Variants in NDOR1 observed in about 807,000 individuals in gnomAD.
NDOR1 encodes the protein NADPH-dependent diflavin oxidoreductase 1.
In NDOR1, 61 loss-of-function variants were observed where a neutral mutation model predicts 67.2. The ratio of observed to expected loss-of-function variants is 0.91; its 90% CI spans 0.74 to 1.12. NDOR1 has a LOEUF of 1.12. Ranked by LOEUF, NDOR1 falls within the 50% of genes most tolerant of loss-of-function variation. The pLI, the probability that NDOR1 is intolerant of heterozygous loss-of-function variation, is 0.00. For synonymous variants in NDOR1, 378 were observed against 343.7 expected, an observed-to-expected ratio of 1.10 and a Z score of -1.10; for missense variants, 878 against 802.8, an observed-to-expected ratio of 1.09 and a Z score of -1.13.
chr9:137,210,552 T>G (rs1164892498), intron 2 of NDOR1, among the ~76,000 whole-genome samples: 2 of 152,106 alleles, frequency 1.3e-5, no homozygotes, highest in African/African-American at 2.4e-5. Flanking sequence ...TTTAAAAGAT[T>G]AGAAGACGCT....
At chr9:137,210,721 C>A (rs996658548) in intron 2 of NDOR1, among the ~76,000 whole-genome samples, 2 of 152,026 alleles carry the variant, frequency 1.3e-5, no homozygotes, top group African/African-American at 4.8e-5. Context: ...GTGACACACA[C>A]CTGTAATCCC....
rs1368344936 is a variant in NDOR1 at position 137,215,956 on chromosome 9, A to C, written c.1493A>C (p.Glu498Ala). ...GACCAAGACTTCTACTGGGAGGCTG[A>C]GTGGCAGGAGCTGGAGAAGCGGGAC... ...WRDQDFYWEA[E>A]WQELEKRDCL... is the part of the protein sequence containing the mutation. The change falls in exon 12 of 14, where the codon GAG (glutamate) becomes GCG (alanine). Residue 498 changes from glutamate to alanine, a missense_variant. Glu to Ala is a moderately radical substitution (Grantham distance 107). Transcript: ENST00000684003. 4 of 1,613,478 alleles carry C rather than the reference A, an allele frequency of 2.5e-6. No individual in the cohort carries two copies. In the South Asian group the frequency reaches 3.3e-5, roughly 13 times the overall value.
intron 2 of NDOR1, among the ~76,000 whole-genome samples, chr9:137,209,046 A>AT (rs1835118927): frequency 6.6e-6 from 1 of 151,890 alleles, no homozygotes; most frequent in African/African-American, 2.4e-5. Flanking sequence ...CGCCCAGCTA[A>AT]TTTTTTGTAT....
chr9:137,209,948 C>T lies in NDOR1; in HGVS notation c.214-2554C>T, dbSNP rs142304167. Among the ~76,000 whole-genome samples the T allele has an allele frequency of 3.4e-3, 523 of 152,328 alleles. 4 individuals carry two copies. The highest frequency in any genetic ancestry group is 6.4e-3 in the Non-Finnish European group (436 of 68,024). ...CTCTACTAAAAATACAAAAAATTAG[C>T]TGGGTGTATTGGTGCATGCCTGTAA... is the stretch of plus-strand genomic sequence containing the variant. On this transcript the variant is annotated intron_variant, in intron 2 of 13. Transcript: ENST00000684003.
In NDOR1 at chr9:137,212,646, C is replaced by T. The variant is rs944987044; in HGVS notation, c.311+47C>T. 12 of 1,542,500 alleles carry T rather than the reference C, an allele frequency of 7.8e-6. No homozygotes were observed. Among genetic ancestry groups the T allele is most frequent in the African/African-American group, 4.1e-5 (3 of 73,368 alleles). ...GGGCGGACGGAACAGTTCTGGGGGTCGAGCAACAGGTGTGCTGGCAGAGGA... is the reference window on the plus strand; with the variant it reads ...GGGCGGACGGAACAGTTCTGGGGGTTGAGCAACAGGTGTGCTGGCAGAGGA... On this transcript the variant is annotated intron_variant, in intron 3 of 13. Coordinates refer to ENST00000684003, the MANE Select transcript of NDOR1 (RefSeq NM_014434.4). The surrounding 1 kb of genome is among the most constrained non-coding windows in gnomAD (Gnocchi z 4.3).
rs1208185881 is a variant in NDOR1, at chr9:137,214,569, G to A, written c.723-1G>A. 1 of 1,611,448 alleles carries A rather than the reference G, an allele frequency of 6.2e-7. No individual in the cohort carries two copies. Among genetic ancestry groups the A allele is most frequent in the Non-Finnish European group, 8.5e-7 (1 of 1,179,922 alleles). On this transcript the variant is annotated splice_acceptor_variant, in intron 6 of 13. Coordinates refer to ENST00000684003, the MANE Select transcript of NDOR1 (RefSeq NM_014434.4). LOFTEE classifies it high-confidence loss of function. ...CAGCCCTGGTGGCTTCTTCCACACAGCTTTGCTGCTGGTGATGTGGTGCTG... is the reference window on the plus strand; with the variant it reads ...CAGCCCTGGTGGCTTCTTCCACACAACTTTGCTGCTGGTGATGTGGTGCTG...
chr9:137,214,097 G>A (rs372567348), intron 5 of NDOR1, 29 bp downstream of exon 5: 7 of 1,532,176 alleles, frequency 4.6e-6, no homozygotes, highest in East Asian at 2.4e-5. Context: ...TCACCCACAG[G>A]CGCAGCAGAC....
At chr9:137,210,025 G>A (rs970665784) in intron 2 of NDOR1, among the ~76,000 whole-genome samples, 2 of 151,652 alleles carry the variant, frequency 1.3e-5, no homozygotes, top group African/African-American at 2.4e-5. Context: ...CCCAGGAAGT[G>A]GAGGTTGCAG....
intron 2 of NDOR1, among the ~76,000 whole-genome samples, chr9:137,209,663 A>G (rs761003889): frequency 6.6e-6 from 1 of 152,204 alleles, no homozygotes. Flanking sequence ...CTCTCCATCC[A>G]CAGCGAAACA....
At chr9:137,210,872 G>A (rs1341826155) in intron 2 of NDOR1, among the ~76,000 whole-genome samples, 3 of 152,180 alleles carry the variant, frequency 2.0e-5, no homozygotes, top group African/African-American at 2.4e-5. Flanking sequence ...CGGGCACGAC[G>A]GCTCACGCCT....
At chr9:137,207,150 G>A (rs930934235) in intron 2 of NDOR1, among the ~76,000 whole-genome samples, 1 of 152,078 alleles carries the variant, frequency 6.6e-6, no homozygotes, top group African/African-American at 2.4e-5. Flanking sequence ...TCCTAAGCTA[G>A]CAAAACCGCA....
chr9:137,211,997 C>T (rs1322050619), intron 2 of NDOR1, among the ~76,000 whole-genome samples: 4 of 152,168 alleles, frequency 2.6e-5, no homozygotes, highest in Non-Finnish European at 5.9e-5. Context: ...GTCTCAGCGA[C>T]ACTGGAACCT....
chr9:137,210,134 C>G (rs892210380), intron 2 of NDOR1, among the ~76,000 whole-genome samples: 2 of 152,222 alleles, frequency 1.3e-5, no homozygotes, highest in Non-Finnish European at 2.9e-5. Flanking sequence ...CAGGCAGAGA[C>G]GGGCACAGGC....
At chr9:137,206,027 T>C in intron 1 of NDOR1, 115 bp downstream of exon 1, 1 of 1,483,366 alleles carries the variant, frequency 6.7e-7, no homozygotes, top group Middle Eastern at 2.4e-4. Context: ...CTTTCCCTTA[T>C]GGCGGATTTA....
In NDOR1 at chr9:137,213,856, G is replaced by C. The variant is rs1382479652; in HGVS notation, c.388G>C (p.Gly130Arg). Residue 130 changes from glycine to arginine, a missense_variant, in exon 4 of 14, where the codon GGC (glycine) becomes CGC (arginine). By Grantham distance (125) the Gly-to-Arg change is moderately radical. Transcript: ENST00000684003. ...GGSALLPVCL[G>R]DDQHELGPDA... Reference sequence around the variant, plus strand: ...CAGCGCCCTCCTGCCCGTGTGCCTGGGCGATGACCAGCATGAGCTGGGGTG... The same window carrying C: ...CAGCGCCCTCCTGCCCGTGTGCCTGCGCGATGACCAGCATGAGCTGGGGTG... 6.2e-7 allele frequency: 1 copy of C among 1,610,994 alleles called. No homozygotes were observed. The highest frequency in any genetic ancestry group is 1.1e-5 in the South Asian group (1 of 90,888).
At position 137,215,714 on chromosome 9, in the gene NDOR1, A is replaced by G; in HGVS notation, c.1344A>G (p.Thr448=). The change falls in exon 11 of 14, where the codon ACA becomes ACG. Residue 448 remains threonine, a synonymous_variant. Transcript: ENST00000684003. ...VRPGSLAFPE[T]PDTPVIMVGP... Reference sequence around the variant, plus strand: ...CTGGGAGTCTGGCCTTCCCAGAGACACCAGACACACCTGTGATCATGGTGG... The same window carrying G: ...CTGGGAGTCTGGCCTTCCCAGAGACGCCAGACACACCTGTGATCATGGTGG... 6.3e-7 allele frequency: 1 copy of G among 1,598,426 alleles called. No homozygotes were observed. The highest frequency in any genetic ancestry group is 8.5e-7 in the Non-Finnish European group (1 of 1,171,064).
chr9:137,214,450 G>T, intron 6 of NDOR1, 37 bp downstream of exon 6: 4 of 1,548,642 alleles, frequency 2.6e-6, no homozygotes, highest in East Asian at 2.4e-5. Flanking sequence ...GCAAGGTGAG[G>T]TGGGCCGTGG....
At chr9:137,211,594 C>G (rs1221054740) in intron 2 of NDOR1, among the ~76,000 whole-genome samples, 2 of 151,850 alleles carry the variant, frequency 1.3e-5, no homozygotes, top group East Asian at 3.9e-4. Flanking sequence ...ATTCAGGAAG[C>G]AAGGGTGTCT....
chr9:137,213,696 G>T, intron 3 of NDOR1, 84 bp from the exon 4 acceptor site: 5 of 1,363,848 alleles, frequency 3.7e-6, no homozygotes, highest in Middle Eastern at 2.2e-4. Context: ...CTTCGCCCGG[G>T]CTCCACTCTC....
Sources: gnomAD v4.1 joint callset for allele counts (sites outside exome capture counted in the v4.1 genomes callset) on GRCh38, gnomAD v4.1.1 for gene constraint, Gnocchi (gnomAD v3.1) non-coding constraint, MANE v1.5 for transcripts, NCBI Gene and HGNC (gene_info 2026-07-23, HGNC 2026-07-21) for gene names.